The following AVEN variants were observed in gnomAD, a reference collection of about 807,000 sequenced individuals.
AVEN encodes the protein cell death regulator Aven.
In AVEN, 41 loss-of-function variants were observed where a neutral mutation model predicts 38.1. The ratio of observed to expected loss-of-function variants is 1.08; its 90% CI spans 0.84 to 1.40. The LOEUF (loss-of-function observed/expected upper bound fraction) is 1.40. AVEN is among the 40% of genes most tolerant of loss of function. The pLI, the probability that AVEN is intolerant of heterozygous loss-of-function variation, is 0.00. For synonymous variants in AVEN, 206 were observed against 171.8 expected, an observed-to-expected ratio of 1.20 and a Z score of -1.56; for missense variants, 605 against 438.8, an observed-to-expected ratio of 1.38 and a Z score of -3.38.
chr15:33,889,187 C>T (rs1479928999), intron 2 of AVEN, among the ~76,000 whole-genome samples: 1 of 152,118 alleles, frequency 6.6e-6, no homozygotes, highest in Non-Finnish European at 1.5e-5. Context: ...AATCTATTAA[C>T]AAAATCATAA....
rs552179779 is a variant in AVEN at position 33,867,862 on chromosome 15, G to C, written c.613-7C>G. On this transcript the variant is annotated splice_polypyrimidine_tract_variant and splice_region_variant and intron_variant, in intron 4 of 5. Coordinates refer to ENST00000306730, the MANE Select transcript of AVEN (RefSeq NM_020371.3). ...CCTCTAAAGGAACTGTACCCTGAAA[G>C]AGAAGTATAAAAACTGAGTTAAAAA... 6 of 1,554,666 alleles carry C rather than the reference G, an allele frequency of 3.9e-6. No homozygotes were observed. In the East Asian group the frequency reaches 6.7e-5, roughly 17 times the overall value.
chr15:34,033,828 T>A (rs1047684189), intron 1 of AVEN, among the ~76,000 whole-genome samples: 1 of 152,128 alleles, frequency 6.6e-6, no homozygotes, highest in African/African-American at 2.4e-5. Context: ...TCATTCTGTC[T>A]CCAGGGTAAA....
intron 3 of AVEN, among the ~76,000 whole-genome samples, chr15:33,875,409 T>C (rs1243213377): frequency 6.6e-6 from 1 of 152,142 alleles, no homozygotes; most frequent in Non-Finnish European, 1.5e-5. Flanking sequence ...AAATATTACA[T>C]ACACACAAAG....
At chr15:34,041,291 T>C (rs959515184), upstream of AVEN, among the ~76,000 whole-genome samples, 1 of 152,134 alleles carries the variant, frequency 6.6e-6, no homozygotes, top group East Asian at 1.9e-4. Flanking sequence ...CTAGCACAGA[T>C]AGATTGGTGC....
At chr15:33,956,444 G>A (rs1894956641) in intron 2 of AVEN, among the ~76,000 whole-genome samples, 1 of 152,178 alleles carries the variant, frequency 6.6e-6, no homozygotes, top group Non-Finnish European at 1.5e-5. Context: ...AGTGCATTGA[G>A]CATCTTTTCA....
chr15:33,879,484 A>T (rs961191745), intron 2 of AVEN, among the ~76,000 whole-genome samples: 37 of 151,892 alleles, frequency 2.4e-4, no homozygotes, highest in African/African-American at 8.0e-4. Context: ...GCACACCAGC[A>T]TGGCACATGT....
At chr15:34,060,889 G>A (rs1323201639) in intron 5 of AVEN, among the ~76,000 whole-genome samples, 2 of 151,890 alleles carry the variant, frequency 1.3e-5, no homozygotes, top group Non-Finnish European at 2.9e-5. Flanking sequence ...GGTGGCAGGC[G>A]CCTGTAGTCC....
intron 2 of AVEN, among the ~76,000 whole-genome samples, chr15:33,964,573 A>C (rs553960148): frequency 3.3e-5 from 5 of 152,194 alleles, no homozygotes; most frequent in African/African-American, 4.8e-5. Flanking sequence ...GTTTCCTAAT[A>C]ATCAACTGTA....
At chr15:33,978,251 C>A (rs1895973930) in intron 2 of AVEN, among the ~76,000 whole-genome samples, 1 of 152,182 alleles carries the variant, frequency 6.6e-6, no homozygotes, top group African/African-American at 2.4e-5. Context: ...TGAGCATCCT[C>A]TGAACATGTG....
At chr15:33,899,954 C>T (rs1020085576) in intron 2 of AVEN, among the ~76,000 whole-genome samples, 2 of 150,200 alleles carry the variant, frequency 1.3e-5, no homozygotes, top group African/African-American at 4.9e-5. Flanking sequence ...TTTTTTCACA[C>T]ACAAGTATAA....
At position 33,999,792 on chromosome 15, in the gene AVEN, G is replaced by A. The variant is rs138912949; in HGVS notation, c.445+3240C>T. ...CAGTGGCTTCCTAACTAGTCTACCC[G>A]CTCCCCTCTTGCCAGTCTTCAGTTC... On this transcript the variant is annotated intron_variant, in intron 2 of 5. Transcript: ENST00000306730. Among the ~76,000 whole-genome samples the A allele has an allele frequency of 6.3e-3, 953 of 152,136 alleles. 10 individuals carry two copies. Among genetic ancestry groups the A allele is most frequent in the African/African-American group, 0.02 (841 of 41,492 alleles).
At chr15:33,854,665 C>A, downstream of AVEN, 1 of 1,447,190 alleles carries the variant, frequency 6.9e-7, no homozygotes, top group Non-Finnish European at 9.4e-7. Context: ...CACCTAAACC[C>A]CCTCTATCCT....
downstream of AVEN, among the ~76,000 whole-genome samples, chr15:33,863,548 A>G (rs1366001252): frequency 6.6e-6 from 1 of 152,242 alleles, no homozygotes; most frequent in Admixed American, 6.5e-5. Context: ...CTGAGAGTTC[A>G]GCCCCTGCCC....
intron 2 of AVEN, among the ~76,000 whole-genome samples, chr15:33,935,490 A>G (rs954177107): frequency 4.0e-5 from 6 of 151,476 alleles, no homozygotes; most frequent in African/African-American, 1.5e-4. Flanking sequence ...ATATATGTGT[A>G]TATATATGTA....
At chr15:34,029,435 C>T (rs1898656793) in intron 1 of AVEN, among the ~76,000 whole-genome samples, 1 of 147,202 alleles carries the variant, frequency 6.8e-6, no homozygotes, top group Non-Finnish European at 1.5e-5. Context: ...AATCCCAGCA[C>T]TTTGGTAAGC....
At chr15:33,855,079 C>A, downstream of AVEN, 1 of 557,360 alleles carries the variant, frequency 1.8e-6, no homozygotes, top group Non-Finnish European at 2.8e-6. Flanking sequence ...AAAATTGTAG[C>A]CAATTAAAAA....
chr15:33,864,825 GGCATGGAAT>G (rs1374284159), downstream of AVEN: 1 of 281,252 alleles, frequency 3.6e-6, no homozygotes, highest in Non-Finnish European at 6.7e-6. Flanking sequence ...TTCCACCAGC[GGCATGGAAT>G]CAGCTTATTG....
intron 2 of AVEN, among the ~76,000 whole-genome samples, chr15:34,002,190 G>T (rs1075756): frequency 3.3e-5 from 5 of 152,174 alleles, no homozygotes; most frequent in Non-Finnish European, 7.4e-5. Flanking sequence ...TTGTGCACAC[G>T]TGTGTATATT....
intron 11 of AVEN, chr15:33,860,802 C>G (rs1458992302): frequency 1.6e-5 from 11 of 708,626 alleles, no homozygotes; most frequent in Middle Eastern, 2.6e-4. Context: ...GTTCTCTGCA[C>G]CCTGCCATAC....
Sources: gnomAD v4.1 joint callset for allele counts (sites outside exome capture counted in the v4.1 genomes callset) on GRCh38, gnomAD v4.1.1 for gene constraint, MANE v1.5 for transcripts, NCBI Gene and HGNC (gene_info 2026-07-23, HGNC 2026-07-21) for gene names.